The following CCDC169 variants were observed in gnomAD, a reference collection of about 807,000 sequenced individuals.
The protein encoded by CCDC169 is coiled-coil domain containing 169, also known as coiled-coil domain-containing protein 169.
Under a neutral mutation model 36.0 loss-of-function variants are expected in CCDC169, and 30 were observed. The ratio of observed to expected loss-of-function variants is 0.83; its 90% CI spans 0.62 to 1.13. The LOEUF (loss-of-function observed/expected upper bound fraction) is 1.13. Ranked by LOEUF, CCDC169 falls within the 50% of genes most tolerant of loss-of-function variation. The pLI is 0.00. For synonymous variants in CCDC169, 85 were observed against 81.5 expected, an observed-to-expected ratio of 1.04 and a Z score of -0.23; for missense variants, 245 against 245.9, an observed-to-expected ratio of 1.00 and a Z score of 0.03.
chr13:36,280,314 G>A (rs773931355), intron 4 of CCDC169: 1 of 151,982 alleles, frequency 6.6e-6, no homozygotes, highest in Non-Finnish European at 1.5e-5. Context: ...AGTCAAAAAG[G>A]GACAAAGATC....
intron 4 of CCDC169, among the ~76,000 whole-genome samples, chr13:36,281,861 CA>C (rs374422941): frequency 2.6e-4 from 37 of 141,032 alleles, no homozygotes; most frequent in African/African-American, 4.2e-4. Context: ...GACCCTCCCT[CA>C]AAAAAAAAAG....
chr13:36,285,779 G>C (rs1044885298), intron 2 of CCDC169, among the ~76,000 whole-genome samples: 1 of 151,980 alleles, frequency 6.6e-6, no homozygotes, highest in Non-Finnish European at 1.5e-5. Context: ...CATCAACATG[G>C]GACAACACAA....
intron 4 of CCDC169, chr13:36,282,439 C>T (rs1047847955): frequency 2.7e-5 from 27 of 985,340 alleles, no homozygotes; most frequent in Non-Finnish European, 3.1e-5. Context: ...ACACTTCTAT[C>T]GCTGACTCCT....
At chr13:36,236,005 A>T (rs1273493498) in intron 7 of CCDC169, among the ~76,000 whole-genome samples, 1 of 152,046 alleles carries the variant, frequency 6.6e-6, no homozygotes, top group African/African-American at 2.4e-5. Flanking sequence ...ATTAAAGAAG[A>T]TCTAAATGAA....
At chr13:36,254,274 A>ATT in intron 4 of CCDC169, 131 bp from the exon 5 acceptor site, 1 of 415,676 alleles carries the variant, frequency 2.4e-6, no homozygotes. Context: ...TATGATATGT[A>ATT]CTTTTTTTTT....
chr13:36,249,870 G>A (rs1468010974), intron 6 of CCDC169, among the ~76,000 whole-genome samples: 1 of 152,126 alleles, frequency 6.6e-6, no homozygotes, highest in Non-Finnish European at 1.5e-5. Context: ...ACACCTGATA[G>A]ATTCTCTTTT....
chr13:36,253,728 CA>C, intron 6 of CCDC169, 74 bp downstream of exon 6: 1 of 1,496,056 alleles, frequency 6.7e-7, no homozygotes. Context: ...AAACCAAAAA[CA>C]AAACCTAGAA....
chr13:36,286,994 T>G (rs1167864839), intron 2 of CCDC169, among the ~76,000 whole-genome samples: 7 of 152,184 alleles, frequency 4.6e-5, no homozygotes, highest in Admixed American at 4.6e-4. Context: ...AAAAAACAAT[T>G]TTCAACATCC....
rs574366143 is a variant in CCDC169 at position 36,280,748 on chromosome 13, A to G, written c.315+2721T>C. 2.6e-5 allele frequency: 4 copies of G among 152,330 alleles called. No homozygotes were observed. The East Asian group carries it at 7.7e-4, about 29-fold the overall frequency. 9.4% of individuals were successfully genotyped at this position (152,330 alleles called of 1,614,324 possible). A position where few individuals can be genotyped will look rare whatever the true frequency, so the allele number is the denominator to read the frequency against. On this transcript the variant is annotated intron_variant, in intron 4 of 7. Transcript: ENST00000239859. ...TGATTTTATGATATTCTTTTTCTAT[A>G]CCTTTTATTTTCCAAATAATATCAG... is the stretch of plus-strand genomic sequence containing the variant.
chr13:36,254,230 C>T (rs117813344), intron 4 of CCDC169, 87 bp from the exon 5 acceptor site: 18,393 of 812,990 alleles, frequency 0.023, 317 homozygotes, highest in South Asian at 0.047. Context: ...TAGTAAATGC[C>T]TTGTATACCT....
chr13:36,230,734 C>G (rs560353767), downstream of CCDC169: 1 of 981,676 alleles, frequency 1.0e-6, no homozygotes, highest in East Asian at 1.1e-4. Context: ...TTCTACGATA[C>G]CATAATATTT....
chr13:36,297,692 C>G lies in CCDC169; in HGVS notation c.28G>C (p.Asp10His). The G allele has an allele frequency of 6.4e-7, 1 of 1,551,398 alleles. No individual in the cohort carries two copies. Among genetic ancestry groups the G allele is most frequent in the Middle Eastern group, 1.7e-4 (1 of 5,992 alleles). ...TTCAGGCGGTTGGTGCTCACACCGT[C>G]GAAGTTGTAGTTTCTCTCTTCCTTC... MKEERNYNF[D>H]GVSTNRLKQQ... Residue 10 changes from aspartate to histidine, a missense_variant, in exon 1 of 8, where the codon GAC (aspartate) becomes CAC (histidine). Transcript: ENST00000239859.
At chr13:36,255,868 C>T (rs999422174) in intron 4 of CCDC169, among the ~76,000 whole-genome samples, 1 of 152,200 alleles carries the variant, frequency 6.6e-6, no homozygotes, top group Non-Finnish European at 1.5e-5. Context: ...CCCACTATGT[C>T]CTGCTTCCCC....
At chr13:36,229,407 A>G (rs1048790637), downstream of CCDC169, among the ~76,000 whole-genome samples, 1 of 152,152 alleles carries the variant, frequency 6.6e-6, no homozygotes, top group Non-Finnish European at 1.5e-5. Context: ...CCCTGTGATA[A>G]GATGTTCAAC....
At chr13:36,266,219 T>C (rs779868816) in intron 4 of CCDC169, among the ~76,000 whole-genome samples, 1 of 152,160 alleles carries the variant, frequency 6.6e-6, no homozygotes, top group Non-Finnish European at 1.5e-5. Context: ...TAATTAGAGA[T>C]GCTGAACAGC....
intron 2 of CCDC169, among the ~76,000 whole-genome samples, chr13:36,285,603 A>ATAGATAGCTAGATAGATAGATAGATAGC (rs1555254453): frequency 1.4e-5 from 2 of 148,146 alleles, no homozygotes; most frequent in Non-Finnish European, 3.0e-5. Context: ...AGATAGATAG[A>ATAGATAGCTAGATAGATAGATAGATAGC]TAGATAGATA....
intron 2 of CCDC169, among the ~76,000 whole-genome samples, chr13:36,289,777 T>C (rs1878654115): frequency 6.6e-6 from 1 of 152,236 alleles, no homozygotes; most frequent in South Asian, 2.1e-4. Context: ...CCTTTAAGTC[T>C]TTCAATAATC....
chr13:36,294,243 T>C (rs759404204), intron 2 of CCDC169, among the ~76,000 whole-genome samples: 3 of 152,200 alleles, frequency 2.0e-5, no homozygotes, highest in South Asian at 2.1e-4. Flanking sequence ...CTACAACTTG[T>C]TGAGCCACAT....
chr13:36,281,050 G>A (rs917991130), intron 4 of CCDC169: 1 of 313,110 alleles, frequency 3.2e-6, no homozygotes, highest in African/African-American at 2.2e-5. Context: ...GAGTAGACGT[G>A]ACCGGCTTTC....
Sources: gnomAD v4.1 joint callset for allele counts (sites outside exome capture counted in the v4.1 genomes callset) on GRCh38, gnomAD v4.1.1 for gene constraint, MANE v1.5 for transcripts, NCBI Gene and HGNC (gene_info 2026-07-23, HGNC 2026-07-21) for gene names.